Variants in CLIC6 observed in about 807,000 individuals in gnomAD.
The protein encoded by CLIC6 is chloride intracellular channel protein 6.
A neutral mutation model predicts 49.2 loss-of-function variants in CLIC6; 39 were observed. The observed-to-expected ratio is 0.79, with a 90% CI of 0.61 to 1.04. The LOEUF (loss-of-function observed/expected upper bound fraction) is 1.04. CLIC6 is among the 50% of genes least tolerant of loss of function. CLIC6 has a pLI of 0.00. For synonymous variants in CLIC6, 446 were observed against 433.4 expected (o/e 1.03, Z -0.36); for missense variants, 988 against 993.1 (o/e 0.99, Z 0.07).
chr21:34,700,468 G>T (rs1358838088), intron 1 of CLIC6, among the ~76,000 whole-genome samples: 2 of 134,446 alleles, frequency 1.5e-5, no homozygotes, highest in Non-Finnish European at 3.2e-5. Context: ...AAAAAGAAAA[G>T]AAAAGAATAA....
At chr21:34,715,147 G>A (rs1023172787) in intron 5 of CLIC6, among the ~76,000 whole-genome samples, 1 of 152,156 alleles carries the variant, frequency 6.6e-6, no homozygotes, top group African/African-American at 2.4e-5. Context: ...GACATCCTGG[G>A]AACCAGTGGG....
rs2056089767 is a variant in CLIC6 at position 34,716,862 on chromosome 21, T to TCACTCA, written c.*383_*384insTCACAC. On this transcript the variant is annotated 3_prime_UTR_variant, in exon 6 of 6. Coordinates refer to ENST00000349499, the MANE Select transcript of CLIC6 (RefSeq NM_053277.3). ...CTCTCTCTCTCTCTCTCTCTCTCTA[T>TCACTCA]CACACACACACACACACACACACAC... is the stretch of plus-strand genomic sequence containing the variant. The TCACTCA allele has an allele frequency of 7.6e-6, 1 of 131,634 alleles. No homozygotes were observed. Among genetic ancestry groups the TCACTCA allele is most frequent in the African/African-American group, 3.2e-5 (1 of 31,214 alleles). 8.2% of individuals were successfully genotyped at this position (131,634 alleles called of 1,614,324 possible). A position where few individuals can be genotyped will look rare whatever the true frequency, so the allele number is the denominator to read the frequency against.
chr21:34,685,240 G>A (rs1026372894), intron 1 of CLIC6, among the ~76,000 whole-genome samples: 34 of 152,280 alleles, frequency 2.2e-4, no homozygotes, highest in African/African-American at 8.2e-4. Flanking sequence ...GGGGACATGG[G>A]GATGATGAAT....
chr21:34,672,349 T>A (rs1989582559), intron 1 of CLIC6, among the ~76,000 whole-genome samples: 1 of 152,230 alleles, frequency 6.6e-6, no homozygotes, highest in Non-Finnish European at 1.5e-5. Context: ...CACCCTTTGT[T>A]ACCTGTGGTC....
chr21:34,690,369 T>C (rs149050400), intron 1 of CLIC6, among the ~76,000 whole-genome samples: 1,573 of 152,372 alleles, frequency 0.01, 16 homozygotes, highest in Middle Eastern at 0.017. Flanking sequence ...GTAAAATATT[T>C]GCAAGTTATT....
At position 34,717,916 on chromosome 21, in the gene CLIC6, T is replaced by C. The variant is rs1182700706; in HGVS notation, c.*1434T>C. 1 of 152,248 alleles carries C rather than the reference T, an allele frequency of 6.6e-6. No homozygotes were observed. 9.4% of individuals were successfully genotyped at this position (152,248 alleles called of 1,614,324 possible). ...TGTCTAGCAAAAGAAACAAAGTCTT[T>C]AATAGAGTGGCCTCTTTCGCTCTTC... On this transcript the variant is annotated 3_prime_UTR_variant, in exon 6 of 6. Transcript: ENST00000349499.
In CLIC6 at chr21:34,709,363, A is replaced by G. The variant is rs1419703172; in HGVS notation, c.1724A>G (p.Glu575Gly). 1 of 1,612,470 alleles carries G rather than the reference A, an allele frequency of 6.2e-7. No individual in the cohort carries two copies. Among genetic ancestry groups the G allele is most frequent in the Non-Finnish European group, 8.5e-7 (1 of 1,179,404 alleles). The stretch of plus-strand genomic sequence containing the variant: ...TCTTGCCCTTCTGTTTTAGTTCATG[A>G]AAAGAACCTGCTGAAGGCCCTGAGG... ...NTKKDANEIHEKNLLKALRKL... is the reference protein window; with the variant it reads ...NTKKDANEIHGKNLLKALRKL... Residue 575 changes from glutamate to glycine, a missense_variant, in exon 5 of 6, where the codon GAA becomes GGA. Around this residue, in one of 3 missense-constraint regions of CLIC6, gnomAD observed 647 missense variants for 596.9 expected, o/e 1.08. Transcript: ENST00000349499.
In CLIC6 at chr21:34,670,439, A is replaced by G; in HGVS notation, c.1051A>G (p.Arg351Gly). 6.8e-7 allele frequency: 1 copy of G among 1,466,966 alleles called. No homozygotes were observed. The highest frequency in any genetic ancestry group is 1.5e-5 in the African/African-American group (1 of 68,822). The allele number at this position is 1,466,966 out of a possible 1,614,324, so 90.9% of individuals were successfully genotyped here. The change falls in exon 1 of 6, where the codon AGG becomes GGG. Residue 351 changes from arginine (R) to glycine (G), a missense_variant. Physicochemically the swap from Arg to Gly is moderately radical, Grantham distance 125. This residue lies in a region of CLIC6 where 647 missense variants were observed against 596.9 expected (regional missense o/e 1.08). Coordinates refer to ENST00000349499, the MANE Select transcript of CLIC6 (RefSeq NM_053277.3). ...CGAAGAAGCGGCCCCCGGGGACGCA[A>G]GGGCAGACGCTGGCGAGGACAGGGT... ...GSEEAAPGDA[R>G]ADAGEDRVGD...
chr21:34,683,506 A>G (rs1989819921), intron 1 of CLIC6, among the ~76,000 whole-genome samples: 1 of 152,160 alleles, frequency 6.6e-6, no homozygotes. Flanking sequence ...GCCTACCTAT[A>G]GCTTATGTTT....
intron 1 of CLIC6, among the ~76,000 whole-genome samples, chr21:34,673,109 C>T (rs1989597141): frequency 6.6e-6 from 1 of 152,162 alleles, no homozygotes; most frequent in Non-Finnish European, 1.5e-5. Flanking sequence ...CTTGCTTCCT[C>T]AAATACTGCT....
Position 34,690,246 on chromosome 21 carries a change from G to C in CLIC6, c.1375-17034G>C, listed in dbSNP as rs78422581. Among the ~76,000 whole-genome samples, 957 of 152,234 alleles carry C rather than the reference G, an allele frequency of 6.3e-3. 10 individuals are homozygous for C. The highest frequency in any genetic ancestry group is 0.021 in the African/African-American group (886 of 41,542). On this transcript the variant is annotated intron_variant, in intron 1 of 5. Coordinates refer to ENST00000349499, the MANE Select transcript of CLIC6 (RefSeq NM_053277.3). ...TATCCAGCGGTGCAGGATCAGCCTC[G>C]AGGCCAGTGCTGTCACCCCACAGCA...
chr21:34,708,146 A>AGTGT (rs142261285), intron 3 of CLIC6, 77 bp downstream of exon 3: 41 of 1,524,596 alleles, frequency 2.7e-5, no homozygotes, highest in Non-Finnish European at 3.3e-5. Flanking sequence ...AGCTCTGGGC[A>AGTGT]GTGTGTGTGT....
chr21:34,671,212 A>G (rs1989562368), intron 1 of CLIC6, among the ~76,000 whole-genome samples: 1 of 151,944 alleles, frequency 6.6e-6, no homozygotes, highest in Admixed American at 6.6e-5. Context: ...AAGCTTTAAT[A>G]CTTGAAGCCA....
At chr21:34,682,813 T>A (rs1989805036) in intron 1 of CLIC6, among the ~76,000 whole-genome samples, 3 of 133,426 alleles carry the variant, frequency 2.2e-5, no homozygotes, top group African/African-American at 5.6e-5. Context: ...TTTTTTTTTT[T>A]TTTTTTTTTT....
At chr21:34,678,063 A>G (rs1411285503) in intron 1 of CLIC6, among the ~76,000 whole-genome samples, 2 of 152,170 alleles carry the variant, frequency 1.3e-5, no homozygotes, top group Admixed American at 6.5e-5. Context: ...TTCACTTTCA[A>G]CAGCAGAGTT....
In CLIC6 at chr21:34,707,275, T is replaced by G. The variant is rs764025423; in HGVS notation, c.1375-5T>G. On this transcript the variant is annotated splice_polypyrimidine_tract_variant and splice_region_variant and intron_variant, in intron 1 of 5. Coordinates refer to ENST00000349499, the MANE Select transcript of CLIC6 (RefSeq NM_053277.3). Reference sequence around the variant, plus strand: ...TCAGATAGAAATCTCCTTCTCCACTTGTAGGCTGGTTATGATGGTGAGAGT... The same window carrying G: ...TCAGATAGAAATCTCCTTCTCCACTGGTAGGCTGGTTATGATGGTGAGAGT... 5 of 1,608,610 alleles carry G rather than the reference T, an allele frequency of 3.1e-6. No homozygotes were observed. The East Asian group carries it at 1.1e-4, about 36-fold the overall frequency.
chr21:34,670,063 G>T lies in CLIC6; in HGVS notation c.675G>T (p.Arg225=), dbSNP rs1455127676. The change falls in exon 1 of 6, where the codon CGG becomes CGT. Residue 225 remains arginine (R), a synonymous_variant. Transcript: ENST00000349499. ...PAGDSVDAEG[R]VGDSVDAEGP... ...GGGACAGCGTAGACGCGGAGGGCCG[G>T]GTGGGGGACAGCGTAGACGCGGAAG... 1 of 1,386,534 alleles carries T rather than the reference G, an allele frequency of 7.2e-7. No homozygotes were observed. The highest frequency in any genetic ancestry group is 3.0e-5 in the East Asian group (1 of 33,864). 85.9% of individuals were successfully genotyped at this position (1,386,534 alleles called of 1,614,324 possible).
rs2056097215 is a variant in CLIC6, at chr21:34,717,983, T to C, written c.*1501T>C. 6.6e-6 allele frequency: 1 copy of C among 152,606 alleles called. No individual in the cohort carries two copies. The highest frequency in any genetic ancestry group is 2.4e-5 in the African/African-American group (1 of 41,454). The allele number at this position is 152,606 out of a possible 1,614,324, so 9.5% of individuals were successfully genotyped here. A position where few individuals can be genotyped will look rare whatever the true frequency, so the allele number is the denominator to read the frequency against. ...GTTTTACCCCAGCAGTCAGCTGTCT[T>C]TGTCAACCATACGTTTTTGGAGATT... On this transcript the variant is annotated 3_prime_UTR_variant, in exon 6 of 6. Coordinates refer to ENST00000349499, the MANE Select transcript of CLIC6 (RefSeq NM_053277.3).
chr21:34,690,861 C>CAAAAAA (rs33931156), intron 1 of CLIC6, among the ~76,000 whole-genome samples: 1 of 99,670 alleles, frequency 1.0e-5, no homozygotes, highest in Non-Finnish European at 1.9e-5. Flanking sequence ...TAATACATGT[C>CAAAAAA]AAAAAAAAAA....
Sources: allele counts gnomAD v4.1 joint callset (sites outside exome capture counted in the v4.1 genomes callset), GRCh38; gene constraint gnomAD v4.1.1; regional missense constraint gnomAD v4.1.1; transcripts MANE v1.5; gene names NCBI Gene and HGNC (gene_info 2026-07-23, HGNC 2026-07-21).